The following KALRN variants were observed in gnomAD, a reference collection of about 807,000 sequenced individuals.
The protein encoded by KALRN is kalirin RhoGEF kinase.
In KALRN, 70 loss-of-function variants were observed where a neutral mutation model predicts 353.7. That is an observed-to-expected ratio of 0.20 (90% confidence interval 0.16 to 0.24). KALRN has a LOEUF of 0.24. KALRN is among the 10% of genes least tolerant of loss of function. The probability of loss-of-function intolerance (pLI) is 1.00; values close to 1 mark genes in which losing one functional copy is unlikely to be tolerated. For synonymous variants in KALRN, 1,391 were observed against 1,434.8 expected (o/e 0.97, Z 0.69); for missense variants, 2,791 against 3,756.7 (o/e 0.74, Z 6.72).
At chr3:124,591,269 C>G (rs2075744084) in intron 34 of KALRN, among the ~76,000 whole-genome samples, 1 of 152,190 alleles carries the variant, frequency 6.6e-6, no homozygotes, top group South Asian at 2.1e-4. Flanking sequence ...CAACTTAATT[C>G]AGGTCCCTTT....
rs371432218 is a variant in KALRN, at chr3:124,697,667, C to A, written c.7774C>A (p.Pro2592Thr). 6.2e-6 allele frequency: 10 copies of A among 1,605,902 alleles called. No individual in the cohort carries two copies. The highest frequency in any genetic ancestry group is 1.7e-5 in the Admixed American group (1 of 59,212). Residue 2592 changes from proline (P) to threonine (T), a missense_variant, in exon 55 of 60, where the codon CCC becomes ACC. Pro to Thr is a conservative substitution (Grantham distance 38, BLOSUM62 -1). Transcript: ENST00000682506. ...CTSVILRWLP[P>T]SSTGNCTISG... ...CTCCGTGATTCTCCGCTGGCTGCCC[C>A]CCTCCAGCACAGGAAACTGCACTAT...
At chr3:124,395,592 C>A in intron 12 of KALRN, 3 of 466,716 alleles carry the variant, frequency 6.4e-6, no homozygotes, top group South Asian at 3.8e-5. Context: ...CAGTAAGTAA[C>A]ATAAATACAA....
intron 1 of KALRN, among the ~76,000 whole-genome samples, chr3:124,121,558 G>A (rs576192204): frequency 1.3e-5 from 2 of 152,298 alleles, no homozygotes; most frequent in Admixed American, 1.3e-4. Flanking sequence ...TCACCCATGA[G>A]CACTCAGCTA....
intron 1 of KALRN, among the ~76,000 whole-genome samples, chr3:124,128,786 CT>C (rs1166685255): frequency 1.3e-5 from 2 of 152,112 alleles, no homozygotes; most frequent in African/African-American, 4.8e-5. Flanking sequence ...GGTCTTCCTA[CT>C]TGCCTCCTTC....
intron 1 of KALRN, among the ~76,000 whole-genome samples, chr3:124,144,925 A>G (rs1324756197): frequency 6.6e-6 from 1 of 152,168 alleles, no homozygotes; most frequent in Non-Finnish European, 1.5e-5. Context: ...CTTACTCTGT[A>G]GAAGTTGAGG....
chr3:124,711,414 G>C (rs921469571), intron 57 of KALRN, among the ~76,000 whole-genome samples: 4 of 152,162 alleles, frequency 2.6e-5, no homozygotes, highest in African/African-American at 9.7e-5. Flanking sequence ...CAAGGAGGCA[G>C]TTAGATCATC....
At chr3:124,177,485 A>C (rs1560155003) in intron 1 of KALRN, among the ~76,000 whole-genome samples, 1 of 152,206 alleles carries the variant, frequency 6.6e-6, no homozygotes, top group Admixed American at 6.5e-5. Flanking sequence ...GACCAGGATG[A>C]CTGGAGTTCC....
intron 5 of KALRN, among the ~76,000 whole-genome samples, chr3:124,272,321 G>A (rs748412664): frequency 2.0e-5 from 3 of 152,180 alleles, no homozygotes; most frequent in Non-Finnish European, 4.4e-5. Context: ...CAGCCCTGAT[G>A]TGATATGAAA....
chr3:124,149,347 T>C (rs577457869), intron 1 of KALRN, among the ~76,000 whole-genome samples: 3 of 152,312 alleles, frequency 2.0e-5, no homozygotes, highest in East Asian at 3.9e-4. Context: ...TTGCTACAAG[T>C]AGGAGTCTTG....
At chr3:124,678,108 C>T (rs998875196) in intron 49 of KALRN, 82 bp from the exon 50 acceptor site, 49 of 1,484,170 alleles carry the variant, frequency 3.3e-5, no homozygotes, top group Non-Finnish European at 4.4e-5. Context: ...CACCTGCTGA[C>T]TCACCCAAGG....
intron 1 of KALRN, among the ~76,000 whole-genome samples, chr3:124,138,117 G>A (rs1284869728): frequency 6.6e-6 from 1 of 152,074 alleles, no homozygotes; most frequent in African/African-American, 2.4e-5. Context: ...GTGGTTTCAG[G>A]CATCTCCCAC....
At position 124,719,025 on chromosome 3, in the gene KALRN, A is replaced by G; in HGVS notation, c.8516A>G (p.His2839Arg). Residue 2839 changes from histidine (H) to arginine (R), a missense_variant, in exon 60 of 60, where the codon CAC becomes CGC. Physicochemically the swap from His to Arg is conservative, Grantham distance 29. This residue lies in a region of KALRN where 188 missense variants were observed against 402.9 expected (regional missense o/e 0.47). Coordinates refer to ENST00000682506, the MANE Select transcript of KALRN (RefSeq NM_001388419.1). This position sits in a 1 kb window ranked among gnomAD's most constrained non-coding sequence, Gnocchi z 5.3. ...VQISGHFHIH[H>R]LLGNPEFAAP... ...ATCTCGGGTCACTTCCACATTCACC[A>G]CCTGCTGGGGAACCCTGAGTTTGCT... 6.2e-7 allele frequency: 1 copy of G among 1,613,984 alleles called. No homozygotes were observed. The highest frequency in any genetic ancestry group is 8.5e-7 in the Non-Finnish European group (1 of 1,180,004).
intron 33 of KALRN, among the ~76,000 whole-genome samples, chr3:124,526,963 AAAC>A (rs1458073076): frequency 6.6e-6 from 1 of 152,236 alleles, no homozygotes; most frequent in Non-Finnish European, 1.5e-5. Flanking sequence ...AGGAAAAAGA[AAAC>A]AACAACAACC....
chr3:124,292,539 G>A (rs984537360), intron 5 of KALRN, among the ~76,000 whole-genome samples: 8 of 152,128 alleles, frequency 5.3e-5, no homozygotes, highest in African/African-American at 1.9e-4. Flanking sequence ...GTGCCCTCAG[G>A]CAGAGCCCTG....
chr3:124,249,280 C>T (rs2070782781), intron 3 of KALRN, among the ~76,000 whole-genome samples: 1 of 152,160 alleles, frequency 6.6e-6, no homozygotes, highest in Admixed American at 6.5e-5. Context: ...GTTAAGGTTT[C>T]AGAATCCACA....
chr3:124,474,439 CGAGA>C (rs10576467), intron 25 of KALRN, among the ~76,000 whole-genome samples: 37,543 of 151,774 alleles, frequency 0.25, 6,377 homozygotes, highest in East Asian at 0.58. Flanking sequence ...GTGTTCACTC[CGAGA>C]GAAAGAATAT....
intron 38 of KALRN, among the ~76,000 whole-genome samples, chr3:124,651,736 C>G (rs2150113287): frequency 6.6e-6 from 1 of 150,786 alleles, no homozygotes; most frequent in African/African-American, 2.4e-5. Context: ...CTCCTGGGCT[C>G]AAGGGATCCT....
intron 27 of KALRN, among the ~76,000 whole-genome samples, chr3:124,477,540 A>T (rs976350860): frequency 1.3e-5 from 2 of 152,208 alleles, no homozygotes; most frequent in Non-Finnish European, 2.9e-5. Context: ...GTGATTTTGT[A>T]CGAGGCAAAT....
At chr3:124,047,604 T>C (rs1400854292) in intron 1 of KALRN, among the ~76,000 whole-genome samples, 1 of 151,050 alleles carries the variant, frequency 6.6e-6, no homozygotes, top group Non-Finnish European at 1.5e-5. Flanking sequence ...GCCATTCTCC[T>C]GCCCCAGCCT....
Sources: allele counts gnomAD v4.1 joint callset (sites outside exome capture counted in the v4.1 genomes callset), GRCh38; gene constraint gnomAD v4.1.1; regional missense constraint gnomAD v4.1.1; non-coding constraint Gnocchi (gnomAD v3.1); transcripts MANE v1.5; gene names NCBI Gene and HGNC (gene_info 2026-07-23, HGNC 2026-07-21).